TNFSF11: variants seen among roughly 807,000 people sequenced by gnomAD.
TNFSF11 encodes the protein TNF superfamily member 11.
In TNFSF11, 12 loss-of-function variants were observed where a neutral mutation model predicts 32.2. The observed-to-expected ratio is 0.37, with a 90% CI of 0.24 to 0.60. The LOEUF is 0.60. TNFSF11 is among the 20% of genes least tolerant of loss of function. TNFSF11 has a pLI of 0.66. For synonymous variants in TNFSF11, 172 were observed against 152.1 expected (o/e 1.13, Z -0.96); for missense variants, 345 against 398.0 (o/e 0.87, Z 1.13).
At chr13:42,601,047 T>G in intron 4 of TNFSF11, 66 bp downstream of exon 4, 2 of 1,569,466 alleles carry the variant, frequency 1.3e-6, no homozygotes, top group Non-Finnish European at 1.8e-6. Flanking sequence ...ATTTCAATAC[T>G]GAAACCTATT....
intron 1 of TNFSF11, among the ~76,000 whole-genome samples, chr13:42,576,927 T>G (rs1174866404): frequency 6.6e-6 from 1 of 152,256 alleles, no homozygotes; most frequent in East Asian, 1.9e-4. Flanking sequence ...CCCTTTTATG[T>G]GTGTTAGAGA....
At chr13:42,578,253 T>C (rs1010832955) in intron 1 of TNFSF11, among the ~76,000 whole-genome samples, 1 of 152,158 alleles carries the variant, frequency 6.6e-6, no homozygotes, top group Non-Finnish European at 1.5e-5. Flanking sequence ...AGTAGGTAGG[T>C]TGTTGGGTAG....
At chr13:42,577,527 G>C (rs2137858936) in intron 1 of TNFSF11, among the ~76,000 whole-genome samples, 1 of 152,198 alleles carries the variant, frequency 6.6e-6, no homozygotes, top group Non-Finnish European at 1.5e-5. Context: ...CTTTCAAAAA[G>C]TTGCTCTGTG....
intron 4 of TNFSF11, 97 bp from the exon 5 acceptor site, chr13:42,606,400 T>G: frequency 7.1e-7 from 1 of 1,405,322 alleles, no homozygotes; most frequent in Non-Finnish European, 1.0e-6. Context: ...AAATAATGAC[T>G]GCTATACTAT....
At chr13:42,578,338 C>T (rs1873421030) in intron 1 of TNFSF11, among the ~76,000 whole-genome samples, 3 of 152,314 alleles carry the variant, frequency 2.0e-5, no homozygotes, top group South Asian at 4.1e-4. Flanking sequence ...CCCTGCTCTG[C>T]AGTTCCTTCA....
intron 2 of TNFSF11, among the ~76,000 whole-genome samples, chr13:42,599,349 C>CTATCTATCATCCATCTATCT (rs11385072): frequency 3.1e-4 from 35 of 112,246 alleles, no homozygotes; most frequent in South Asian, 7.1e-4. Flanking sequence ...ATCTATCTAT[C>CTATCTATCATCCATCTATCT]ATCTATCTAT....
intron 2 of TNFSF11, among the ~76,000 whole-genome samples, chr13:42,566,984 T>C (rs1872893559): frequency 7.1e-6 from 1 of 140,732 alleles, no homozygotes; most frequent in African/African-American, 2.7e-5. Context: ...AGAGAAGGAC[T>C]CTGTCTCAAA....
chr13:42,595,804 C>T (rs982451064), intron 2 of TNFSF11, among the ~76,000 whole-genome samples: 14 of 152,142 alleles, frequency 9.2e-5, no homozygotes, highest in Admixed American at 3.3e-4. Flanking sequence ...AGAAAGGAGT[C>T]GGGATATTCT....
At chr13:42,582,692 A>G (rs376884860) in intron 2 of TNFSF11, among the ~76,000 whole-genome samples, 2 of 152,328 alleles carry the variant, frequency 1.3e-5, no homozygotes, top group East Asian at 3.9e-4. Flanking sequence ...CGCAGAATAG[A>G]TGTATATGTT....
chr13:42,568,172 T>A (rs757184744), intron 2 of TNFSF11, among the ~76,000 whole-genome samples: 2 of 152,250 alleles, frequency 1.3e-5, no homozygotes, highest in African/African-American at 4.8e-5. Flanking sequence ...GCACGTAACA[T>A]GCATGTTTGC....
intron 4 of TNFSF11, 67 bp downstream of exon 4, chr13:42,601,048 G>A: frequency 6.4e-7 from 1 of 1,562,586 alleles, no homozygotes; most frequent in Non-Finnish European, 8.8e-7. Context: ...TTTCAATACT[G>A]AAACCTATTT....
At chr13:42,570,416 T>C (rs556306664), upstream of TNFSF11, among the ~76,000 whole-genome samples, 50 of 152,362 alleles carry the variant, frequency 3.3e-4, 1 homozygote, top group African/African-American at 1.2e-3. Context: ...AAAATAATTC[T>C]ATGTTAATAC....
chr13:42,605,329 G>A (rs991153078), intron 4 of TNFSF11, among the ~76,000 whole-genome samples: 1 of 152,192 alleles, frequency 6.6e-6, no homozygotes, highest in Non-Finnish European at 1.5e-5. Context: ...ATTTCAAACT[G>A]CTGACCACCT....
chr13:42,580,771 G>A (rs762952164), intron 1 of TNFSF11, among the ~76,000 whole-genome samples: 1 of 152,094 alleles, frequency 6.6e-6, no homozygotes, highest in Non-Finnish European at 1.5e-5. Context: ...AGCTTCCTCT[G>A]CCTTCAGTGA....
intron 2 of TNFSF11, among the ~76,000 whole-genome samples, chr13:42,567,540 C>G (rs1381759538): frequency 6.6e-6 from 1 of 152,100 alleles, no homozygotes; most frequent in Non-Finnish European, 1.5e-5. Flanking sequence ...CTAAACCAAA[C>G]CAACCAAATA....
chr13:42,590,119 T>C (rs1472300197), intron 2 of TNFSF11, among the ~76,000 whole-genome samples: 1 of 152,236 alleles, frequency 6.6e-6, no homozygotes, highest in African/African-American at 2.4e-5. Flanking sequence ...GTGGGATGTT[T>C]CCTTTCTACA....
chr13:42,591,874 C>T (rs1351831529), intron 2 of TNFSF11, among the ~76,000 whole-genome samples: 1 of 152,076 alleles, frequency 6.6e-6, no homozygotes, highest in African/African-American at 2.4e-5. Context: ...GGCAGCTTTC[C>T]AAGGGAGCAG....
rs1382586062 is a variant in TNFSF11, at chr13:42,606,852, C to T, written c.888C>T (p.Pro296=). 3 of 1,614,024 alleles carry T rather than the reference C, an allele frequency of 1.9e-6. No homozygotes were observed. The highest frequency in any genetic ancestry group is 2.2e-5 in the East Asian group (1 of 44,896). Residue 296 remains proline, a synonymous_variant, in exon 5 of 5, where the codon CCC becomes CCT. Coordinates refer to ENST00000398795, the MANE Select transcript of TNFSF11 (RefSeq NM_003701.4). ...AAATCAGCATCGAGGTCTCCAACCC[C>T]TCCTTACTGGATCCGGATCAGGATG... The part of the protein sequence containing the change: ...GEEISIEVSN[P]SLLDPDQDAT...
At chr13:42,605,627 C>T (rs1445471880) in intron 4 of TNFSF11, among the ~76,000 whole-genome samples, 1 of 152,132 alleles carries the variant, frequency 6.6e-6, no homozygotes, top group African/African-American at 2.4e-5. Context: ...GCAAGAGGAC[C>T]AGGTGTCACC....
Sources: gnomAD v4.1 joint callset for allele counts (sites outside exome capture counted in the v4.1 genomes callset) on GRCh38, gnomAD v4.1.1 for gene constraint, MANE v1.5 for transcripts, NCBI Gene and HGNC (gene_info 2026-07-23, HGNC 2026-07-21) for gene names.